The following SUGCT variants were observed in gnomAD, a reference collection of about 807,000 sequenced individuals.
SUGCT encodes succinyl-CoA:glutarate CoA-transferase.
Under a neutral mutation model 55.0 loss-of-function variants are expected in SUGCT, and 41 were observed. The ratio of observed to expected loss-of-function variants is 0.74; its 90% CI spans 0.58 to 0.97. The LOEUF (loss-of-function observed/expected upper bound fraction) is 0.97. SUGCT is among the 50% of genes least tolerant of loss of function. SUGCT has a pLI of 0.00. For synonymous variants in SUGCT, 187 were observed against 200.4 expected, an observed-to-expected ratio of 0.93 and a Z score of 0.56; for missense variants, 568 against 547.8, an observed-to-expected ratio of 1.04 and a Z score of -0.37.
intron 13 of SUGCT, among the ~76,000 whole-genome samples, chr7:40,784,419 C>T (rs1408249995): frequency 6.6e-6 from 1 of 152,214 alleles, no homozygotes; most frequent in Non-Finnish European, 1.5e-5. Flanking sequence ...CTTCTCATAG[C>T]GACTTATAAC....
chr7:40,737,205 TCA>T (rs1419436755), intron 12 of SUGCT, among the ~76,000 whole-genome samples: 1 of 152,052 alleles, frequency 6.6e-6, no homozygotes, highest in Non-Finnish European at 1.5e-5. Flanking sequence ...CGACATTGAA[TCA>T]CACTACATTC....
At chr7:40,497,239 GT>G (rs1200866618) in intron 12 of SUGCT, among the ~76,000 whole-genome samples, 2 of 152,098 alleles carry the variant, frequency 1.3e-5, no homozygotes, top group Non-Finnish European at 2.9e-5. Context: ...ATCGTGGCAG[GT>G]TTTTCTTAGA....
chr7:40,179,534 C>T (rs771792250), intron 1 of SUGCT, among the ~76,000 whole-genome samples: 16 of 152,182 alleles, frequency 1.1e-4, no homozygotes, highest in African/African-American at 3.4e-4. Flanking sequence ...CTGCCCGCCT[C>T]GGCCTCCCAA....
intron 6 of SUGCT, among the ~76,000 whole-genome samples, chr7:40,219,952 G>T (rs1314173883): frequency 6.6e-6 from 1 of 151,968 alleles, no homozygotes; most frequent in South Asian, 2.1e-4. Flanking sequence ...TTGCTGGCTG[G>T]TGTTTTTTAG....
the SUGCT span, among the ~76,000 whole-genome samples, chr7:40,905,928 C>T: frequency 5.4e-4 from 82 of 152,048 alleles, no homozygotes; most frequent in African/African-American, 2.0e-3. Context: ...ATGTTGCCCA[C>T]GCTGGTCTCA....
intron 6 of SUGCT, among the ~76,000 whole-genome samples, chr7:40,204,437 G>A (rs1454303060): frequency 6.6e-6 from 1 of 151,892 alleles, no homozygotes; most frequent in Non-Finnish European, 1.5e-5. Context: ...CGAGTAGCTG[G>A]GACTACAGGT....
At chr7:40,321,282 G>A (rs1795728372) in intron 9 of SUGCT, among the ~76,000 whole-genome samples, 1 of 152,078 alleles carries the variant, frequency 6.6e-6, no homozygotes, top group Non-Finnish European at 1.5e-5. Context: ...TTGCCATGCT[G>A]GCCAGGCTGG....
intron 11 of SUGCT, among the ~76,000 whole-genome samples, chr7:40,468,295 A>G (rs1174608155): frequency 6.6e-6 from 1 of 151,596 alleles, no homozygotes; most frequent in East Asian, 1.9e-4. Flanking sequence ...CTTCCTGAAA[A>G]CTGTTTGACT....
At chr7:40,558,714 A>AT (rs1467118991) in intron 12 of SUGCT, among the ~76,000 whole-genome samples, 20 of 152,346 alleles carry the variant, frequency 1.3e-4, no homozygotes, top group African/African-American at 4.6e-4. Context: ...AACATTGAGA[A>AT]TGTACTTAGT....
chr7:40,863,069 T>A (rs1400023641), downstream of SUGCT, among the ~76,000 whole-genome samples: 1 of 152,032 alleles, frequency 6.6e-6, no homozygotes, highest in Admixed American at 6.6e-5. Flanking sequence ...TGAAACCCCG[T>A]CTCTACTAAA....
At chr7:40,947,061 T>C in the SUGCT span, among the ~76,000 whole-genome samples, 1 of 152,212 alleles carries the variant, frequency 6.6e-6, no homozygotes, top group Non-Finnish European at 1.5e-5. Context: ...TGCCTTTTTC[T>C]CTTCTCTACT....
intron 7 of SUGCT, among the ~76,000 whole-genome samples, chr7:40,266,039 A>G (rs1791550097): frequency 6.6e-6 from 1 of 152,192 alleles, no homozygotes; most frequent in African/African-American, 2.4e-5. Context: ...TCTAGATTGC[A>G]TAATCAAAAA....
intron 12 of SUGCT, among the ~76,000 whole-genome samples, chr7:40,612,126 G>A (rs889185737): frequency 6.6e-6 from 1 of 151,868 alleles, no homozygotes; most frequent in African/African-American, 2.4e-5. Context: ...CTTGTGGCTA[G>A]CATTTATGGA....
At chr7:40,215,127 C>T (rs994562875) in intron 6 of SUGCT, among the ~76,000 whole-genome samples, 3 of 151,912 alleles carry the variant, frequency 2.0e-5, no homozygotes, top group African/African-American at 7.3e-5. Flanking sequence ...TTCTGGGCCA[C>T]GTTATACTTT....
the SUGCT span, among the ~76,000 whole-genome samples, chr7:40,898,118 C>T: frequency 6.6e-6 from 1 of 152,088 alleles, no homozygotes; most frequent in Non-Finnish European, 1.5e-5. Flanking sequence ...TCTGCAGCTT[C>T]ACTCGTGAAG....
intron 12 of SUGCT, among the ~76,000 whole-genome samples, chr7:40,525,592 C>G (rs1459930845): frequency 6.6e-6 from 1 of 151,778 alleles, no homozygotes; most frequent in East Asian, 1.9e-4. Context: ...TTAGAAGAAT[C>G]TGAACATAAT....
At chr7:40,612,782 T>C (rs1392212317) in intron 12 of SUGCT, among the ~76,000 whole-genome samples, 1 of 152,256 alleles carries the variant, frequency 6.6e-6, no homozygotes, top group Non-Finnish European at 1.5e-5. Flanking sequence ...CTAACATGAT[T>C]ATTAGAATTG....
chr7:40,626,413 T>G (rs1034674457), intron 12 of SUGCT, among the ~76,000 whole-genome samples: 2 of 147,174 alleles, frequency 1.4e-5, no homozygotes, highest in African/African-American at 4.9e-5. Flanking sequence ...TGTGCCTAAT[T>G]TTTTTTTTTT....
chr7:40,367,680 C>T (rs950745347), intron 9 of SUGCT, among the ~76,000 whole-genome samples: 1 of 152,098 alleles, frequency 6.6e-6, no homozygotes, highest in Non-Finnish European at 1.5e-5. Flanking sequence ...GCAAACACAT[C>T]TGTCCTCATC....
Sources: allele counts gnomAD v4.1 joint callset (sites outside exome capture counted in the v4.1 genomes callset), GRCh38; gene constraint gnomAD v4.1.1; transcripts MANE v1.5; gene names NCBI Gene and HGNC (gene_info 2026-07-23, HGNC 2026-07-21).